Variants in RAB19 observed in about 807,000 individuals in gnomAD.
RAB19 encodes the protein ras-related protein Rab-19.
In RAB19, 21 loss-of-function variants were observed where a neutral mutation model predicts 17.3. That is an observed-to-expected ratio of 1.21 (90% CI 0.86 to 1.74). The LOEUF (loss-of-function observed/expected upper bound fraction) is 1.74, where lower values mean the gene tolerates loss of function less well. Ranked by LOEUF, RAB19 falls within the 40% of genes most tolerant of loss-of-function variation. The pLI, the probability that RAB19 is intolerant of heterozygous loss-of-function variation, is 0.00. For synonymous variants in RAB19, 126 were observed against 110.4 expected (o/e 1.14, Z -0.88); for missense variants, 277 against 286.8 (o/e 0.97, Z 0.25).
intron 2 of RAB19, among the ~76,000 whole-genome samples, chr7:140,409,455 G>A (rs542933902): frequency 6.6e-6 from 1 of 152,174 alleles, no homozygotes; most frequent in Admixed American, 6.5e-5. Context: ...AGCACTTTTG[G>A]AGGCCGAGGC....
chr7:140,410,313 C>CTTTTTTTTTTTTTTTTTT (rs762151021), intron 2 of RAB19, among the ~76,000 whole-genome samples: 2 of 81,038 alleles, frequency 2.5e-5, no homozygotes, highest in Non-Finnish European at 4.3e-5. Flanking sequence ...TTGTATTTTT[C>CTTTTTTTTTTTTTTTTTT]TTTTTTTTTT....
chr7:140,409,510 C>T (rs144201964), intron 2 of RAB19, among the ~76,000 whole-genome samples: 6,071 of 151,956 alleles, frequency 0.04, 119 homozygotes, highest in Non-Finnish European at 0.044. Context: ...GCCTGGCCAA[C>T]GGGGGGAAAC....
At position 140,426,171 on chromosome 7, in the gene RAB19, C is replaced by T; in HGVS notation, c.*21C>T. Reference sequence around the variant, plus strand: ...GCTAAGATGTTTGCAAAGCCAGTTGCACCCACCAAAGAGGCCGCCTCTGAA... The same window carrying T: ...GCTAAGATGTTTGCAAAGCCAGTTGTACCCACCAAAGAGGCCGCCTCTGAA... On this transcript the variant is annotated 3_prime_UTR_variant, in exon 4 of 4. Coordinates refer to ENST00000537763, the MANE Select transcript of RAB19 (RefSeq NM_001008749.3). 4 of 1,603,584 alleles carry T rather than the reference C, an allele frequency of 2.5e-6. No homozygotes were observed. Among genetic ancestry groups the T allele is most frequent in the Non-Finnish European group, 3.4e-6 (4 of 1,173,954 alleles).
rs759559568 is a variant in RAB19, at chr7:140,426,202, A to C, written c.*52A>C. ...CCAAAGAGGCCGCCTCTGAAACCAAAGGTAGCCAGGATACCGTAGTGTTGC... is the reference window on the plus strand; with the variant it reads ...CCAAAGAGGCCGCCTCTGAAACCAACGGTAGCCAGGATACCGTAGTGTTGC... On this transcript the variant is annotated 3_prime_UTR_variant, in exon 4 of 4. Coordinates refer to ENST00000537763, the MANE Select transcript of RAB19 (RefSeq NM_001008749.3). 6.3e-7 allele frequency: 1 copy of C among 1,581,928 alleles called. No homozygotes were observed. Among genetic ancestry groups the C allele is most frequent in the Non-Finnish European group, 8.6e-7 (1 of 1,164,434 alleles).
chr7:140,415,286 A>T (rs944644301), intron 3 of RAB19, among the ~76,000 whole-genome samples: 1 of 151,764 alleles, frequency 6.6e-6, no homozygotes, highest in Non-Finnish European at 1.5e-5. Flanking sequence ...TGTTGGCCAG[A>T]CTGGTCTCAA....
chr7:140,414,707 G>C (rs748882347), intron 3 of RAB19, among the ~76,000 whole-genome samples: 6 of 152,136 alleles, frequency 3.9e-5, no homozygotes, highest in Non-Finnish European at 5.9e-5. Flanking sequence ...AATTCGTGTT[G>C]TCCCTCACGG....
chr7:140,414,356 C>G (rs921428536), intron 3 of RAB19, among the ~76,000 whole-genome samples: 1 of 152,140 alleles, frequency 6.6e-6, no homozygotes, highest in African/African-American at 2.4e-5. Context: ...TGTGCTATCT[C>G]TGAAGGCAGC....
intron 1 of RAB19, among the ~76,000 whole-genome samples, chr7:140,404,915 C>T (rs572909954): frequency 4.6e-5 from 7 of 152,262 alleles, no homozygotes; most frequent in African/African-American, 1.2e-4. Flanking sequence ...AAGGATAGCA[C>T]GGAGCTAGAC....
At chr7:140,424,682 T>C (rs13309074) in intron 3 of RAB19, among the ~76,000 whole-genome samples, 26 of 92,028 alleles carry the variant, frequency 2.8e-4, no homozygotes, top group South Asian at 1.0e-3. Flanking sequence ...TATATATATA[T>C]ACACATATCT....
At position 140,426,178 on chromosome 7, in the gene RAB19, C is replaced by G. The variant is rs772558753; in HGVS notation, c.*28C>G. 9 of 1,597,340 alleles carry G rather than the reference C, an allele frequency of 5.6e-6. No individual in the cohort carries two copies. Among genetic ancestry groups the G allele is most frequent in the South Asian group, 1.1e-5 (1 of 89,272 alleles). On this transcript the variant is annotated 3_prime_UTR_variant, in exon 4 of 4. Coordinates refer to ENST00000537763, the MANE Select transcript of RAB19 (RefSeq NM_001008749.3). ...TGTTTGCAAAGCCAGTTGCACCCAC[C>G]AAAGAGGCCGCCTCTGAAACCAAAG... is the stretch of plus-strand genomic sequence containing the variant.
Position 140,427,178 on chromosome 7 carries a change from T to G in RAB19, c.*1028T>G, listed in dbSNP as rs1799687361. On this transcript the variant is annotated 3_prime_UTR_variant, in exon 4 of 4. Coordinates refer to ENST00000537763, the MANE Select transcript of RAB19 (RefSeq NM_001008749.3). The stretch of plus-strand genomic sequence containing the variant: ...TTTTTTTTTTGAGACTGAGTCTCAC[T>G]CTGTCACTCAGGCTGGAATGCAGTG... Among the ~76,000 whole-genome samples the G allele has an allele frequency of 7.7e-6, 1 of 129,706 alleles. No homozygotes were observed. 85.1% of individuals were successfully genotyped at this position (129,706 alleles called of 152,430 possible). A position where few individuals can be genotyped will look rare whatever the true frequency, so the allele number is the denominator to read the frequency against.
intron 3 of RAB19, among the ~76,000 whole-genome samples, chr7:140,416,402 A>C (rs1799459104): frequency 6.6e-6 from 1 of 152,186 alleles, no homozygotes; most frequent in African/African-American, 2.4e-5. Flanking sequence ...TGTCAAATGA[A>C]TTATCAAGAA....
rs760964553 is a variant in RAB19, at chr7:140,409,992, C to CA, written c.202-1862dup. 3.9e-3 allele frequency among the ~76,000 whole-genome samples: 365 copies of CA among 93,984 alleles called. 5 individuals carry two copies. Among genetic ancestry groups the CA allele is most frequent in the African/African-American group, 5.4e-3 (134 of 24,652 alleles). 61.7% of individuals were successfully genotyped at this position (93,984 alleles called of 152,430 possible). On this transcript the variant is annotated intron_variant, in intron 2 of 3. Transcript: ENST00000537763. ...TGGGCAACAGAGCGAGACTCCGTCTCAAAAAAAAAAAAAAAAAAAAGATAA... is the reference window on the plus strand; with the variant it reads ...TGGGCAACAGAGCGAGACTCCGTCTCAAAAAAAAAAAAAAAAAAAAAGATAA...
chr7:140,421,996 T>A (rs1799569931), intron 3 of RAB19, among the ~76,000 whole-genome samples: 3 of 152,200 alleles, frequency 2.0e-5, no homozygotes, highest in South Asian at 4.1e-4. Flanking sequence ...CCTTTTACAT[T>A]TAGATCTACC....
At chr7:140,417,071 C>CA (rs11422658) in intron 3 of RAB19, among the ~76,000 whole-genome samples, 65,490 of 135,940 alleles carry the variant, frequency 0.48, 15,475 homozygotes, top group East Asian at 0.53. Context: ...ACTAAAAATA[C>CA]AAAAAAAAAA....
intron 3 of RAB19, among the ~76,000 whole-genome samples, chr7:140,417,255 A>G (rs112239477): frequency 1.6e-4 from 22 of 134,594 alleles, no homozygotes; most frequent in African/African-American, 5.9e-4. Flanking sequence ...AAAAAAAATT[A>G]GCTGGACTCA....
At chr7:140,404,797 G>A (rs982020163) in intron 1 of RAB19, among the ~76,000 whole-genome samples, 4 of 152,160 alleles carry the variant, frequency 2.6e-5, no homozygotes, top group African/African-American at 9.7e-5. Flanking sequence ...CTCTCAGGAA[G>A]AACAGTTAAA....
intron 3 of RAB19, among the ~76,000 whole-genome samples, chr7:140,421,021 T>G (rs1238497501): frequency 6.6e-6 from 1 of 151,508 alleles, no homozygotes; most frequent in African/African-American, 2.4e-5. Flanking sequence ...GCCTCCTGAG[T>G]AGCTGGGATT....
chr7:140,407,879 CCTTTTTTTTTTTT>C, intron 2 of RAB19, 32 bp downstream of exon 2: 1 of 848,196 alleles, frequency 1.2e-6, no homozygotes, highest in Non-Finnish European at 1.8e-6. Flanking sequence ...ACTGGTTCCA[CCTTTTTTTTTTTT>C]TTTTTTTTTT....
Sources: allele counts gnomAD v4.1 joint callset (sites outside exome capture counted in the v4.1 genomes callset), GRCh38; gene constraint gnomAD v4.1.1; transcripts MANE v1.5; gene names NCBI Gene and HGNC (gene_info 2026-07-23, HGNC 2026-07-21).